PCDHA13: variants seen among roughly 807,000 people sequenced by gnomAD.
PCDHA13 encodes the protein protocadherin alpha 13, also known as protocadherin alpha-13.
PCDHA13 carries 54 observed loss-of-function variants against 64.8 expected under a neutral mutation model. The observed-to-expected ratio is 0.83, with a 90% confidence interval of 0.67 to 1.04. The LOEUF is 1.04. Among genes scored for constraint, PCDHA13 ranks in the 50% least tolerant of loss-of-function variants. The pLI is 0.00. For synonymous variants in PCDHA13, 587 were observed against 564.4 expected (o/e 1.04, Z -0.57); for missense variants, 1,248 against 1,254.3 (o/e 0.99, Z 0.08).
At chr5:140,981,380 C>T (rs2096929731) in intron 2 of PCDHA13, among the ~76,000 whole-genome samples, 1 of 152,054 alleles carries the variant, frequency 6.6e-6, no homozygotes, top group Non-Finnish European at 1.5e-5. Flanking sequence ...TCAAGACCAG[C>T]CTGGTCAATA....
chr5:140,980,313 C>G (rs904282752), intron 2 of PCDHA13, among the ~76,000 whole-genome samples: 7 of 152,166 alleles, frequency 4.6e-5, no homozygotes, highest in Admixed American at 3.9e-4. Context: ...GCCTTAAAAA[C>G]TACATTTGAA....
chr5:140,949,161 C>T (rs2094347975), intron 1 of PCDHA13, among the ~76,000 whole-genome samples: 1 of 151,598 alleles, frequency 6.6e-6, no homozygotes, highest in Admixed American at 6.6e-5. Context: ...TAATCTAATT[C>T]TCTTTTGGTC....
chr5:140,911,036 G>A (rs2075296113), intron 1 of PCDHA13, among the ~76,000 whole-genome samples: 1 of 152,104 alleles, frequency 6.6e-6, no homozygotes, highest in African/African-American at 2.4e-5. Flanking sequence ...AGGTCTAGAA[G>A]CAAACAGGGG....
intron 1 of PCDHA13, among the ~76,000 whole-genome samples, chr5:140,944,030 A>G (rs1272534224): frequency 1.3e-5 from 2 of 152,214 alleles, no homozygotes; most frequent in East Asian, 1.9e-4. Context: ...TCTTCAAAAT[A>G]TGGAAAACCA....
chr5:140,954,297 C>G (rs1369831854), intron 1 of PCDHA13, among the ~76,000 whole-genome samples: 1 of 152,298 alleles, frequency 6.6e-6, no homozygotes, highest in African/African-American at 2.4e-5. Context: ...TGGGTACATA[C>G]CCAGTAATGG....
intron 1 of PCDHA13, among the ~76,000 whole-genome samples, chr5:140,955,510 T>G (rs1554221967): frequency 6.6e-6 from 1 of 152,154 alleles, no homozygotes; most frequent in Non-Finnish European, 1.5e-5. Context: ...AAAGACGTGT[T>G]TGCTTTCCCT....
intron 1 of PCDHA13, among the ~76,000 whole-genome samples, chr5:140,925,170 A>G (rs2153576816): frequency 6.6e-6 from 1 of 152,194 alleles, no homozygotes; most frequent in East Asian, 1.9e-4. Flanking sequence ...TGTGTAATTG[A>G]CCCCAATGTA....
intron 1 of PCDHA13, among the ~76,000 whole-genome samples, chr5:140,949,674 C>G (rs2153687219): frequency 6.6e-6 from 1 of 151,738 alleles, no homozygotes; most frequent in South Asian, 2.1e-4. Context: ...AAAGTATGCC[C>G]TTGTTGAAGC....
intron 1 of PCDHA13, among the ~76,000 whole-genome samples, chr5:140,933,412 A>G (rs1466318521): frequency 2.6e-5 from 4 of 152,066 alleles, no homozygotes; most frequent in Non-Finnish European, 5.9e-5. Flanking sequence ...ATCTACAGAT[A>G]TTCTGTGTTC....
At chr5:140,985,000 C>T (rs1237251178) in intron 3 of PCDHA13, among the ~76,000 whole-genome samples, 5 of 151,948 alleles carry the variant, frequency 3.3e-5, no homozygotes, top group Non-Finnish European at 7.4e-5. Context: ...TCCAGTGGCA[C>T]GATATCGGCT....
intron 1 of PCDHA13, among the ~76,000 whole-genome samples, chr5:140,941,194 T>TCTTTCTTC (rs781885331): frequency 0.027 from 3,012 of 112,124 alleles, 85 homozygotes; most frequent in African/African-American, 0.068. Flanking sequence ...TCTTTTTTTT[T>TCTTTCTTC]CTTTCTTCCT....
rs2059914384 is a variant in PCDHA13 at position 140,883,960 on chromosome 5, G to T, written c.1692G>T (p.Ala564=). ...TGGACGAGAACGACAACGCTCCGGC[G>T]CTGCTGACGCCCGGGGCTGGCAGCG... ...FVLDENDNAP[A]LLTPGAGSAG... Residue 564 remains alanine (A), a synonymous_variant, in exon 1 of 4, where the codon GCG becomes GCT. Coordinates refer to ENST00000289272, the MANE Select transcript of PCDHA13 (RefSeq NM_018904.3). 3.1e-6 allele frequency: 5 copies of T among 1,613,090 alleles called. No homozygotes were observed. Among genetic ancestry groups the T allele is most frequent in the Non-Finnish European group, 4.2e-6 (5 of 1,179,782 alleles).
In PCDHA13 at chr5:140,883,951, C is replaced by T. The variant is rs782324778; in HGVS notation, c.1683C>T (p.Asn561=). ...LQVFVLDEND[N]APALLTPGAG... ...TGTTCGTGCTGGACGAGAACGACAA[C>T]GCTCCGGCGCTGCTGACGCCCGGGG... The change falls in exon 1 of 4, where the codon AAC becomes AAT. Residue 561 remains asparagine (N), a synonymous_variant. Coordinates refer to ENST00000289272, the MANE Select transcript of PCDHA13 (RefSeq NM_018904.3). 4.3e-6 allele frequency: 7 copies of T among 1,613,222 alleles called. No individual in the cohort carries two copies. Among genetic ancestry groups the T allele is most frequent in the African/African-American group, 2.7e-5 (2 of 75,040 alleles).
Position 140,950,516 on chromosome 5 carries a change from G to A in PCDHA13, c.2395-28433G>A, listed in dbSNP as rs184772904. ...ATTTAAGTCATTATTCCCTGTGTGCGATATGATTGTTTTTGTTGCTCTTGC... is the reference window on the plus strand; with the variant it reads ...ATTTAAGTCATTATTCCCTGTGTGCAATATGATTGTTTTTGTTGCTCTTGC... On this transcript the variant is annotated intron_variant, in intron 1 of 3. Coordinates refer to ENST00000289272, the MANE Select transcript of PCDHA13 (RefSeq NM_018904.3). Among the ~76,000 whole-genome samples, 6 of 152,110 alleles carry A rather than the reference G, an allele frequency of 3.9e-5. No individual in the cohort carries two copies. The East Asian group carries it at 9.6e-4, about 24-fold the overall frequency.
chr5:140,998,005 C>T (rs539275150), intron 3 of PCDHA13, among the ~76,000 whole-genome samples: 300 of 152,282 alleles, frequency 2.0e-3, no homozygotes, highest in Non-Finnish European at 3.8e-3. Context: ...TCTGAGCCTT[C>T]CATCCCCACC....
intron 1 of PCDHA13, among the ~76,000 whole-genome samples, chr5:140,892,669 C>T (rs1361630982): frequency 2.6e-5 from 4 of 152,134 alleles, no homozygotes; most frequent in African/African-American, 9.7e-5. Context: ...CATTTTGATA[C>T]ATATATACAA....
intron 1 of PCDHA13, among the ~76,000 whole-genome samples, chr5:140,911,441 T>C (rs2075476385): frequency 6.6e-6 from 1 of 152,154 alleles, no homozygotes. Context: ...TTTCCCGCAA[T>C]TTCAGCTCTT....
chr5:140,894,987 T>A lies in PCDHA13; in HGVS notation c.2394+10325T>A, dbSNP rs564159529. On this transcript the variant is annotated intron_variant, in intron 1 of 3. Transcript: ENST00000289272. ...TTTTTTAATGTCTTACTTTGTGACA[T>A]CCTTTACCCTTTTTACTTGGACCTT... 3.3e-5 allele frequency among the ~76,000 whole-genome samples: 5 copies of A among 152,318 alleles called. No individual in the cohort carries two copies. In the East Asian group the frequency reaches 9.6e-4, roughly 29 times the overall value.
chr5:140,897,722 T>G (rs1236534951), intron 1 of PCDHA13, among the ~76,000 whole-genome samples: 10 of 152,162 alleles, frequency 6.6e-5, no homozygotes, highest in Admixed American at 6.5e-4. Context: ...GATGGCTGGG[T>G]CAAATAGTAT....
Sources: gnomAD v4.1 joint callset for allele counts (sites outside exome capture counted in the v4.1 genomes callset) on GRCh38, gnomAD v4.1.1 for gene constraint, MANE v1.5 for transcripts, NCBI Gene and HGNC (gene_info 2026-07-23, HGNC 2026-07-21) for gene names.